EIPR1: variants seen among roughly 807,000 people sequenced by gnomAD.
The protein encoded by EIPR1 is EARP complex and GARP complex interacting protein 1.
A neutral mutation model predicts 48.1 loss-of-function variants in EIPR1; 25 were observed. The ratio of observed to expected loss-of-function variants is 0.52; its 90% CI spans 0.38 to 0.73. The LOEUF (loss-of-function observed/expected upper bound fraction) is 0.73, where lower values mean the gene tolerates loss of function less well. Among genes scored for constraint, EIPR1 ranks in the 30% least tolerant of loss-of-function variants. EIPR1 has a pLI of 0.00. For synonymous variants in EIPR1, 204 were observed against 201.9 expected, an observed-to-expected ratio of 1.01 and a Z score of -0.09; for missense variants, 415 against 506.2, an observed-to-expected ratio of 0.82 and a Z score of 1.73.
chr2:3,335,109 C>T (rs544686904), intron 3 of EIPR1, among the ~76,000 whole-genome samples: 1 of 152,230 alleles, frequency 6.6e-6, no homozygotes, highest in Admixed American at 6.5e-5. Flanking sequence ...CCTACAACCC[C>T]AGGAGCCACA....
At position 3,192,505 on chromosome 2, in the gene EIPR1, AAAG is replaced by A; in HGVS notation, c.895_897del (p.Leu299del). 6.2e-7 allele frequency: 1 copy of A among 1,613,060 alleles called. No homozygotes were observed. Among genetic ancestry groups the A allele is most frequent in the South Asian group, 1.1e-5 (1 of 90,978 alleles). Reference sequence around the variant, plus strand: ...TCCGACGAGATGGACACCATGTTGGAAAGGATGACTCTGCTGTCACTGCTGCCC... The same window carrying A: ...TCCGACGAGATGGACACCATGTTGGAGATGACTCTGCTGTCACTGCTGCCC... On this transcript the variant is annotated inframe_deletion, in exon 8 of 9. Coordinates refer to ENST00000382125, the MANE Select transcript of EIPR1 (RefSeq NM_003310.5).
At chr2:3,208,325 GC>G in intron 5 of EIPR1, 1 of 768,396 alleles carries the variant, frequency 1.3e-6, no homozygotes, top group Non-Finnish European at 2.0e-6. Context: ...GTCTGGGCAG[GC>G]AGGAGCCACC....
At chr2:3,314,425 T>G (rs949948813) in intron 3 of EIPR1, among the ~76,000 whole-genome samples, 1 of 152,164 alleles carries the variant, frequency 6.6e-6, no homozygotes, top group Non-Finnish European at 1.5e-5. Context: ...GGGTGGACAT[T>G]TATTATTTTT....
chr2:3,354,572 T>C lies in EIPR1; in HGVS notation c.104A>G (p.Gln35Arg), dbSNP rs764695971. The change falls in exon 2 of 9, where the codon CAG becomes CGG. Residue 35 changes from glutamine (Q) to arginine (R), a missense_variant. By Grantham distance (43) the Gln-to-Arg change is conservative (BLOSUM62 1). Transcript: ENST00000382125. ...TDAIRFLVGTQSLKYDNQIHI... is the reference protein window; with the variant it reads ...TDAIRFLVGTRSLKYDNQIHI... The stretch of plus-strand genomic sequence containing the variant: ...TACCTGATTATCATATTTAAGAGAC[T>C]GCGTCCCAACCAAAAACCGAATGGC... 3 of 1,614,148 alleles carry C rather than the reference T, an allele frequency of 1.9e-6. No homozygotes were observed. Among genetic ancestry groups the C allele is most frequent in the South Asian group, 1.1e-5 (1 of 91,076 alleles).
At chr2:3,303,777 G>A (rs946001018) in intron 3 of EIPR1, among the ~76,000 whole-genome samples, 1 of 152,180 alleles carries the variant, frequency 6.6e-6, no homozygotes, top group Non-Finnish European at 1.5e-5. Flanking sequence ...CGCCCGGGAA[G>A]CTTCGCCCTC....
chr2:3,365,448 G>C (rs778404957), intron 1 of EIPR1, among the ~76,000 whole-genome samples: 1 of 151,898 alleles, frequency 6.6e-6, no homozygotes. Flanking sequence ...CTACAGCCTG[G>C]TCAACAGAGC....
At chr2:3,225,659 A>G (rs982225065) in intron 4 of EIPR1, among the ~76,000 whole-genome samples, 6 of 152,190 alleles carry the variant, frequency 3.9e-5, no homozygotes, top group African/African-American at 1.4e-4. Flanking sequence ...GCACACACTT[A>G]AGATGCACTC....
chr2:3,190,228 G>A (rs934435395), intron 8 of EIPR1, among the ~76,000 whole-genome samples: 3 of 152,226 alleles, frequency 2.0e-5, no homozygotes, highest in Admixed American at 6.5e-5. Flanking sequence ...GGCCCTGCCC[G>A]GCTCACAGCG....
intron 4 of EIPR1, among the ~76,000 whole-genome samples, chr2:3,250,427 A>G (rs1344237947): frequency 6.6e-6 from 1 of 152,176 alleles, no homozygotes; most frequent in Non-Finnish European, 1.5e-5. Flanking sequence ...CCCCATTGTA[A>G]TTTGAAAGTA....
At chr2:3,199,648 T>TGCATCTGGGCACGC in intron 5 of EIPR1, among the ~76,000 whole-genome samples, 1 of 141,952 alleles carries the variant, frequency 7.0e-6, no homozygotes, top group East Asian at 2.2e-4. Context: ...TCTGAGCAGC[T>TGCATCTGGGCACGC]ATGGGGGGCG....
At chr2:3,364,122 A>C (rs1234061028) in intron 1 of EIPR1, among the ~76,000 whole-genome samples, 1 of 152,236 alleles carries the variant, frequency 6.6e-6, no homozygotes, top group Non-Finnish European at 1.5e-5. Flanking sequence ...AAAAAACTAA[A>C]AATAGAGCTA....
intron 4 of EIPR1, among the ~76,000 whole-genome samples, chr2:3,244,496 A>G (rs968692435): frequency 2.0e-5 from 3 of 152,200 alleles, no homozygotes; most frequent in Admixed American, 6.5e-5. Context: ...TGGAAATTCT[A>G]ATCCCCAAAG....
chr2:3,246,820 G>C (rs1394236499), intron 4 of EIPR1, among the ~76,000 whole-genome samples: 1 of 53,022 alleles, frequency 1.9e-5, no homozygotes, highest in Non-Finnish European at 3.6e-5. Flanking sequence ...AGGGAGGGAG[G>C]GAGGAAGGGA....
chr2:3,282,106 C>A (rs1235279766), intron 3 of EIPR1, among the ~76,000 whole-genome samples: 2 of 152,224 alleles, frequency 1.3e-5, no homozygotes, highest in Admixed American at 6.5e-5. Context: ...AAGGAGGAAT[C>A]CCTGCAAAGA....
intron 3 of EIPR1, among the ~76,000 whole-genome samples, chr2:3,302,579 G>A (rs1668792918): frequency 6.6e-6 from 1 of 152,228 alleles, no homozygotes; most frequent in Non-Finnish European, 1.5e-5. Flanking sequence ...TTGGTGGATG[G>A]CGACAGGCCG....
chr2:3,338,261 C>T, intron 2 of EIPR1, 112 bp from the exon 3 acceptor site: 1 of 1,276,392 alleles, frequency 7.8e-7, no homozygotes, highest in Non-Finnish European at 1.1e-6. Context: ...ACAGATACAT[C>T]TTTAGTTAAT....
chr2:3,362,649 CAA>C (rs34072545), intron 1 of EIPR1, among the ~76,000 whole-genome samples: 28 of 100,276 alleles, frequency 2.8e-4, no homozygotes, highest in Admixed American at 3.2e-4. Context: ...GACTCTGTCT[CAA>C]AAAAAAAAAA....
intron 4 of EIPR1, among the ~76,000 whole-genome samples, chr2:3,218,462 G>A (rs562885875): frequency 6.7e-6 from 1 of 148,894 alleles, no homozygotes; most frequent in Non-Finnish European, 1.5e-5. Context: ...ACGCTCTAGA[G>A]CATTCACAGT....
chr2:3,336,027 G>A (rs962261904), intron 3 of EIPR1, among the ~76,000 whole-genome samples: 12 of 152,208 alleles, frequency 7.9e-5, no homozygotes, highest in Non-Finnish European at 2.9e-5. Flanking sequence ...AAAGCCTCGG[G>A]AAGATCAGGA....
Sources: gnomAD v4.1 joint callset for allele counts (sites outside exome capture counted in the v4.1 genomes callset) on GRCh38, gnomAD v4.1.1 for gene constraint, MANE v1.5 for transcripts, NCBI Gene and HGNC (gene_info 2026-07-23, HGNC 2026-07-21) for gene names.